The following ATL2 variants were observed in gnomAD, a reference collection of about 807,000 sequenced individuals.
ATL2 encodes atlastin GTPase 2, also known as atlastin-2.
ATL2 carries 31 observed loss-of-function variants against 73.9 expected under a neutral mutation model. The observed-to-expected ratio is 0.42, with a 90% confidence interval of 0.32 to 0.57. The LOEUF is 0.57. Among genes scored for constraint, ATL2 ranks in the 20% least tolerant of loss-of-function variants. The probability of loss-of-function intolerance (pLI) is 0.14; values close to 1 mark genes in which losing one functional copy is unlikely to be tolerated. For synonymous variants in ATL2, 291 were observed against 237.5 expected (o/e 1.23, Z -2.07); for missense variants, 738 against 702.6 (o/e 1.05, Z -0.57).
At position 38,343,360 on chromosome 2, in the gene ATL2, C is replaced by A. The variant is rs776495254; in HGVS notation, c.271G>T (p.Asp91Tyr). ...EQILLQEHIRDLNIVVVSVAG... is the reference protein window; with the variant it reads ...EQILLQEHIRYLNIVVVSVAG... The stretch of plus-strand genomic sequence containing the variant: ...ACAGATACCACTACTATGTTAAGAT[C>A]TCGTATGTGCTCCTGTAGCAATATC... The change falls in exon 2 of 13, where the codon GAT becomes TAT. Residue 91 changes from aspartate to tyrosine, a missense_variant. Transcript: ENST00000378954. 1.9e-6 allele frequency: 3 copies of A among 1,611,586 alleles called. No individual in the cohort carries two copies. In the Admixed American group the frequency reaches 5.1e-5, roughly 27 times the overall value.
intron 7 of ATL2, among the ~76,000 whole-genome samples, chr2:38,311,318 GA>G (rs1259873542): frequency 6.6e-6 from 1 of 151,768 alleles, no homozygotes; most frequent in African/African-American, 2.4e-5. Flanking sequence ...GTATTAGGGG[GA>G]AAAAAATCTT....
chr2:38,339,806 T>TCAGCCTCC (rs1475806560), intron 2 of ATL2, among the ~76,000 whole-genome samples: 1 of 152,164 alleles, frequency 6.6e-6, no homozygotes. Flanking sequence ...TTCCTCTGCC[T>TCAGCCTCC]CAGCCTCCCA....
chr2:38,331,167 G>C (rs1019411090), intron 2 of ATL2, among the ~76,000 whole-genome samples: 2 of 152,076 alleles, frequency 1.3e-5, no homozygotes, highest in African/African-American at 2.4e-5. Flanking sequence ...AGGTGTGGTG[G>C]CTCATGCCTG....
intron 9 of ATL2, among the ~76,000 whole-genome samples, chr2:38,306,009 T>G (rs1667429854): frequency 6.6e-6 from 1 of 151,492 alleles, no homozygotes; most frequent in Admixed American, 6.6e-5. Flanking sequence ...TTAGCCACAC[T>G]AAGAAAAAAA....
intron 9 of ATL2, among the ~76,000 whole-genome samples, chr2:38,305,632 A>C (rs1311369435): frequency 6.6e-6 from 1 of 152,182 alleles, no homozygotes; most frequent in East Asian, 1.9e-4. Context: ...GGAATTTTGG[A>C]AACTATACAA....
rs747742407 is a variant in ATL2, at chr2:38,377,094, G to C, written c.118+49C>G. 4 of 1,555,992 alleles carry C rather than the reference G, an allele frequency of 2.6e-6. No individual in the cohort carries two copies. In the Admixed American group the frequency reaches 6.9e-5, roughly 27 times the overall value. ...CGGTGCCCGCGAGCCCGAGCAGCGAGCGTCTCTCCCCATCAGGGCCCCGCG... is the reference window on the plus strand; with the variant it reads ...CGGTGCCCGCGAGCCCGAGCAGCGACCGTCTCTCCCCATCAGGGCCCCGCG... On this transcript the variant is annotated intron_variant, in intron 1 of 12. Coordinates refer to ENST00000378954, the MANE Select transcript of ATL2 (RefSeq NM_001135673.4).
intron 9 of ATL2, among the ~76,000 whole-genome samples, chr2:38,308,219 C>A (rs1667557956): frequency 6.6e-6 from 1 of 152,104 alleles, no homozygotes; most frequent in Non-Finnish European, 1.5e-5. Flanking sequence ...TATCAATATA[C>A]GAATGGATAA....
At chr2:38,302,899 C>T (rs1412340392) in intron 9 of ATL2, among the ~76,000 whole-genome samples, 1 of 152,200 alleles carries the variant, frequency 6.6e-6, no homozygotes, top group Admixed American at 6.5e-5. Flanking sequence ...ATACCTAACT[C>T]TTCAATGTCC....
chr2:38,368,169 C>T (rs1336004852), intron 1 of ATL2, among the ~76,000 whole-genome samples: 1 of 151,538 alleles, frequency 6.6e-6, no homozygotes, highest in Non-Finnish European at 1.5e-5. Context: ...CTCCTGACCT[C>T]ATGATCCACC....
rs530993348 is a variant in ATL2, at chr2:38,317,300, C to A, written c.603+1235G>T. Among the ~76,000 whole-genome samples the A allele has an allele frequency of 3.3e-5, 5 of 152,186 alleles. No individual in the cohort carries two copies. In the East Asian group the frequency reaches 7.7e-4, roughly 24 times the overall value. On this transcript the variant is annotated intron_variant, in intron 4 of 12. Coordinates refer to ENST00000378954, the MANE Select transcript of ATL2 (RefSeq NM_001135673.4). ...TACACCATCACCAGCTGGGCCTAACCGCCATACTTCAATAATTCATTTTTC... is the reference window on the plus strand; with the variant it reads ...TACACCATCACCAGCTGGGCCTAACAGCCATACTTCAATAATTCATTTTTC...
At chr2:38,377,311 C>T, upstream of ATL2, 5 of 1,455,144 alleles carry the variant, frequency 3.4e-6, no homozygotes, top group Non-Finnish European at 4.6e-6. Flanking sequence ...GCCGCCGCCG[C>T]TTTATCAACC....
rs1441928571 is a variant in ATL2, at chr2:38,299,294, C to A, written c.1162G>T (p.Ala388Ser). ...TTACAATAGGTATCTCTTGCTCCTG[C>A]TACTGCAGCAAGATTATTAGCTTCA... ...TAEANNLAAV[A>S]GARDTYCKSM... is the part of the protein sequence containing the mutation. Residue 388 changes from alanine (A) to serine (S), a missense_variant, in exon 11 of 13, where the codon GCA becomes TCA. Physicochemically the swap from Ala to Ser is moderately conservative, Grantham distance 99 (BLOSUM62 1). Transcript: ENST00000378954. The A allele has an allele frequency of 6.6e-7, 1 of 1,512,538 alleles. No individual in the cohort carries two copies. The highest frequency in any genetic ancestry group is 2.6e-5 in the East Asian group (1 of 37,822). The allele number at this position is 1,512,538 out of a possible 1,614,324, so 93.7% of individuals were successfully genotyped here.
intron 2 of ATL2, among the ~76,000 whole-genome samples, chr2:38,339,759 C>G (rs868703886): frequency 6.6e-6 from 1 of 152,084 alleles, no homozygotes; most frequent in Non-Finnish European, 1.5e-5. Context: ...GGCACAATCT[C>G]GGCTCACTGC....
At chr2:38,300,560 A>C (rs1197078721) in intron 9 of ATL2, 4 of 361,414 alleles carry the variant, frequency 1.1e-5, no homozygotes, top group Non-Finnish European at 1.5e-5. Context: ...AAAAGTTATA[A>C]CTCAAAGTTA....
At chr2:38,323,176 C>A (rs1668416062) in intron 2 of ATL2, among the ~76,000 whole-genome samples, 1 of 151,964 alleles carries the variant, frequency 6.6e-6, no homozygotes, top group Non-Finnish European at 1.5e-5. Flanking sequence ...AAAAGCAAAC[C>A]TAAAAACTCA....
At chr2:38,333,127 C>A (rs1216261019) in intron 2 of ATL2, among the ~76,000 whole-genome samples, 1 of 152,078 alleles carries the variant, frequency 6.6e-6, no homozygotes, top group Non-Finnish European at 1.5e-5. Context: ...CTTTGGGAAG[C>A]CAAAACAGGA....
At chr2:38,363,206 C>T (rs1671109236) in intron 1 of ATL2, among the ~76,000 whole-genome samples, 1 of 152,192 alleles carries the variant, frequency 6.6e-6, no homozygotes, top group Non-Finnish European at 1.5e-5. Context: ...CCAGGTCTTT[C>T]TAATTGTCAA....
chr2:38,340,269 T>G (rs1239730898), intron 2 of ATL2, among the ~76,000 whole-genome samples: 3 of 150,824 alleles, frequency 2.0e-5, no homozygotes, highest in African/African-American at 7.3e-5. Context: ...TGTATACCTA[T>G]GTAAAATTTC....
chr2:38,335,359 G>C (rs758488202), intron 2 of ATL2, among the ~76,000 whole-genome samples: 32 of 152,190 alleles, frequency 2.1e-4, no homozygotes, highest in Admixed American at 4.6e-4. Flanking sequence ...TCAGTAGAAA[G>C]GGTAAATTAT....
Sources: allele counts gnomAD v4.1 joint callset (sites outside exome capture counted in the v4.1 genomes callset), GRCh38; gene constraint gnomAD v4.1.1; transcripts MANE v1.5; gene names NCBI Gene and HGNC (gene_info 2026-07-23, HGNC 2026-07-21).